ZNF891: variants seen among roughly 807,000 people sequenced by gnomAD.
ZNF891 encodes the protein zinc finger protein 891, also known as hCG1646157.
For synonymous variants in ZNF891, 199 were observed against 209.0 expected (o/e 0.95, Z 0.41); for missense variants, 589 against 632.7 (o/e 0.93, Z 0.74).
chr12:133,105,556 C>A lies in ZNF891; in HGVS notation c.*14728G>T. On this transcript the variant is annotated 3_prime_UTR_variant, in exon 2 of 2. Coordinates refer to ENST00000537226, the MANE Select transcript of ZNF891 (RefSeq NM_001277291.2). ...TCAAAGACTTTTCACCAAAAAATGT[C>A]ATTTATGATGACTCATCCCAGTATT... 6.2e-7 allele frequency: 1 copy of A among 1,611,696 alleles called. No individual in the cohort carries two copies. The highest frequency in any genetic ancestry group is 1.1e-5 in the South Asian group (1 of 90,480).
intron 1 of ZNF891, among the ~76,000 whole-genome samples, chr12:133,128,306 TAA>T (rs1955836294): frequency 6.6e-6 from 1 of 152,044 alleles, no homozygotes; most frequent in Non-Finnish European, 1.5e-5. Flanking sequence ...GGAGCACAAA[TAA>T]AGAGTAGTAA....
At chr12:133,125,836 C>T (rs1955810008) in intron 1 of ZNF891, 3 of 502,010 alleles carry the variant, frequency 6.0e-6, no homozygotes, top group Non-Finnish European at 1.2e-5. Flanking sequence ...AGCTCTATGA[C>T]ACTGATGTGG....
Position 133,116,547 on chromosome 12 carries a change from A to T in ZNF891, c.*3737T>A, listed in dbSNP as rs1299541303. 2 of 152,132 alleles carry T rather than the reference A, an allele frequency of 1.3e-5. No individual in the cohort carries two copies. Among genetic ancestry groups the T allele is most frequent in the Non-Finnish European group, 2.9e-5 (2 of 68,032 alleles). The allele number at this position is 152,132 out of a possible 1,614,324, so 9.4% of individuals were successfully genotyped here. ...ATCCCAGTAGACCTAAATACCCATC[A>T]TCTTCTTACAGACTGCTGGGATTTA... is the stretch of plus-strand genomic sequence containing the variant. On this transcript the variant is annotated 3_prime_UTR_variant, in exon 2 of 2. Coordinates refer to ENST00000537226, the MANE Select transcript of ZNF891 (RefSeq NM_001277291.2).
chr12:133,126,286 GCTA>G (rs1270416627), intron 1 of ZNF891, among the ~76,000 whole-genome samples: 4 of 151,852 alleles, frequency 2.6e-5, no homozygotes, highest in Admixed American at 2.6e-4. Context: ...GACCATCCTG[GCTA>G]CTGTGAAACC....
chr12:133,117,989 C>T lies in ZNF891; in HGVS notation c.*2295G>A, dbSNP rs1205295201. ...TTGAGATGAAGTCCTGCTCTGTCAC[C>T]AGGCTGGAGTGCAGTGGTGAGATCT... On this transcript the variant is annotated 3_prime_UTR_variant, in exon 2 of 2. Transcript: ENST00000537226. The T allele has an allele frequency of 6.8e-6, 1 of 146,960 alleles. No homozygotes were observed. Among genetic ancestry groups the T allele is most frequent in the African/African-American group, 2.5e-5 (1 of 39,566 alleles). The allele number at this position is 146,960 out of a possible 1,614,324, so 9.1% of individuals were successfully genotyped here.
In ZNF891 at chr12:133,119,065, A is replaced by AT. The variant is rs936163116; in HGVS notation, c.*1218dup. On this transcript the variant is annotated 3_prime_UTR_variant, in exon 2 of 2. Coordinates refer to ENST00000537226, the MANE Select transcript of ZNF891 (RefSeq NM_001277291.2). The stretch of plus-strand genomic sequence containing the variant: ...AAGAGCCTGTCTCTACAAAATATAT[A>AT]TTTTTAAAATTAGCCAGGCATGGTG... The AT allele has an allele frequency of 2.0e-5, 3 of 151,988 alleles. No homozygotes were observed. The highest frequency in any genetic ancestry group is 7.3e-5 in the African/African-American group (3 of 41,376). The allele number at this position is 151,988 out of a possible 1,614,324, so 9.4% of individuals were successfully genotyped here.
Position 133,121,110 on chromosome 12 carries a change from G to T in ZNF891, c.809C>A (p.Ser270Tyr). 1 of 1,535,500 alleles carries T rather than the reference G, an allele frequency of 6.5e-7. No homozygotes were observed. Among genetic ancestry groups the T allele is most frequent in the South Asian group, 1.2e-5 (1 of 84,042 alleles). The change falls in exon 2 of 2, where the codon TCT (serine) becomes TAT (tyrosine). Residue 270 changes from serine (S) to tyrosine (Y), a missense_variant. Transcript: ENST00000537226. Reference protein sequence around the residue: ...NQTVQKEYTYSKHGMHFTHNM... With the variant: ...NQTVQKEYTYYKHGMHFTHNM... ...ATGTGTGAAGTGCATTCCATGTTTA[G>T]AATATGTGTACTCTTTTTGTACTGT...
intron 1 of ZNF891, 144 bp downstream of exon 1, chr12:133,130,080 GGCC>G (rs1221443083): frequency 1.3e-5 from 2 of 152,708 alleles, no homozygotes; most frequent in Non-Finnish European, 2.9e-5. Flanking sequence ...CTCCCTCAAG[GGCC>G]TCTCCCACCG....
In ZNF891 at chr12:133,121,054, T is replaced by A. The variant is rs1292501252; in HGVS notation, c.865A>T (p.Met289Leu). The change falls in exon 2 of 2, where the codon ATG becomes TTG. Residue 289 changes from methionine (M) to leucine (L), a missense_variant. By Grantham distance (15) the Met-to-Leu change is conservative. Coordinates refer to ENST00000537226, the MANE Select transcript of ZNF891 (RefSeq NM_001277291.2). ...TTACATTCACAGGCATTCTGTGCCATATGCAAATTGTTAGGTACAGGAAAC... is the reference window on the plus strand; with the variant it reads ...TTACATTCACAGGCATTCTGTGCCAAATGCAAATTGTTAGGTACAGGAAAC... ...NMFPVPNNLH[M>L]AQNACECNKD... is the part of the protein sequence containing the mutation. 1 of 1,535,656 alleles carries A rather than the reference T, an allele frequency of 6.5e-7. No individual in the cohort carries two copies. Among genetic ancestry groups the A allele is most frequent in the East Asian group, 2.4e-5 (1 of 40,896 alleles).
Position 133,105,620 on chromosome 12 carries a change from T to G in ZNF891, c.*14664A>C, listed in dbSNP as rs1315050768. On this transcript the variant is annotated 3_prime_UTR_variant, in exon 2 of 2. Coordinates refer to ENST00000537226, the MANE Select transcript of ZNF891 (RefSeq NM_001277291.2). ...AATTCTAAGTCAAGGCCCTGTGTAT[T>G]CCAGTTTTAAAGGAGGCTGGAAATG... 2 of 1,614,050 alleles carry G rather than the reference T, an allele frequency of 1.2e-6. No homozygotes were observed. The highest frequency in any genetic ancestry group is 1.7e-6 in the Non-Finnish European group (2 of 1,180,038).
rs758227048 is a variant in ZNF891, at chr12:133,121,368, G to A, written c.551C>T (p.Pro184Leu). The change falls in exon 2 of 2, where the codon CCT becomes CTT. Residue 184 changes from proline (P) to leucine (L), a missense_variant. Transcript: ENST00000537226. ...QMIYAPKKTV[P>L]QELFRDYHEL... The stretch of plus-strand genomic sequence containing the variant: ...ATGATAGTCACGGAATAGCTCCTGA[G>A]GTACTGTTTTCTTTGGGGCATATAT... The A allele has an allele frequency of 2.9e-5, 44 of 1,535,948 alleles. No homozygotes were observed. Among genetic ancestry groups the A allele is most frequent in the East Asian group, 2.0e-4 (8 of 40,912 alleles).
In ZNF891 at chr12:133,121,189, G is replaced by A. The variant is rs751556367; in HGVS notation, c.730C>T (p.Leu244Phe). 4.2e-5 allele frequency: 65 copies of A among 1,535,462 alleles called. 1 individual carries two copies. In the South Asian group the frequency reaches 7.7e-4, roughly 18 times the overall value. The change falls in exon 2 of 2, where the codon CTC becomes TTC. Residue 244 changes from leucine (L) to phenylalanine (F), a missense_variant. By Grantham distance (22) the Leu-to-Phe change is conservative. Transcript: ENST00000537226. ...NYVKNSISEK[L>F]YESHECDTTL... Reference sequence around the variant, plus strand: ...GTATCACATTCATGACTTTCATAGAGCTTCTCACTTATAGAGTTTTTCACA... The same window carrying A: ...GTATCACATTCATGACTTTCATAGAACTTCTCACTTATAGAGTTTTTCACA...
chr12:133,119,739 G>A lies in ZNF891; in HGVS notation c.*545C>T, dbSNP rs1423721008. Reference sequence around the variant, plus strand: ...CAGCTTCAGGAATGGCCAATTCATAGGGACAAAGATGAAGTGCAAAAAGTA... The same window carrying A: ...CAGCTTCAGGAATGGCCAATTCATAAGGACAAAGATGAAGTGCAAAAAGTA... On this transcript the variant is annotated 3_prime_UTR_variant, in exon 2 of 2. Coordinates refer to ENST00000537226, the MANE Select transcript of ZNF891 (RefSeq NM_001277291.2). The A allele has an allele frequency of 6.6e-6, 1 of 152,502 alleles. No homozygotes were observed. The highest frequency in any genetic ancestry group is 1.5e-5 in the Non-Finnish European group (1 of 68,286). The allele number at this position is 152,502 out of a possible 1,614,324, so 9.4% of individuals were successfully genotyped here.
rs1175045503 is a variant in ZNF891 at position 133,109,939 on chromosome 12, G to A, written c.*10345C>T. On this transcript the variant is annotated 3_prime_UTR_variant, in exon 2 of 2. Transcript: ENST00000537226. ...CCTGCAAAACCTAGAATATTGGCCG[G>A]GCGTGGTGGCAGACGCCTGTAGTCC... is the stretch of plus-strand genomic sequence containing the variant. 1 of 152,172 alleles carries A rather than the reference G, an allele frequency of 6.6e-6. No individual in the cohort carries two copies. Among genetic ancestry groups the A allele is most frequent in the Non-Finnish European group, 1.5e-5 (1 of 68,048 alleles). 9.4% of individuals were successfully genotyped at this position (152,172 alleles called of 1,614,324 possible).
At position 133,106,676 on chromosome 12, in the gene ZNF891, G is replaced by A. The variant is rs760489095; in HGVS notation, c.*13608C>T. 15 of 1,513,050 alleles carry A rather than the reference G, an allele frequency of 9.9e-6. No individual in the cohort carries two copies. Among genetic ancestry groups the A allele is most frequent in the Admixed American group, 2.2e-5 (1 of 45,226 alleles). 93.7% of individuals were successfully genotyped at this position (1,513,050 alleles called of 1,614,324 possible). A position where few individuals can be genotyped will look rare whatever the true frequency, so the allele number is the denominator to read the frequency against. ...AATTTACACTGCAAAGAAAAACTAT[G>A]AATGTATGGAATTTTTTAAAAAGAA... On this transcript the variant is annotated 3_prime_UTR_variant, in exon 2 of 2. Transcript: ENST00000537226.
rs1186673436 is a variant in ZNF891 at position 133,119,206 on chromosome 12, ACT to A, written c.*1076_*1077del. 2 of 150,706 alleles carry A rather than the reference ACT, an allele frequency of 1.3e-5. No individual in the cohort carries two copies. The highest frequency in any genetic ancestry group is 3.0e-5 in the Non-Finnish European group (2 of 67,668). 9.3% of individuals were successfully genotyped at this position (150,706 alleles called of 1,614,324 possible). ...CTGCATTCTAGCCTGAGAGACAGAGACTCTGTCTGAAAAATTGAAAAAAAAAA... is the reference window on the plus strand; with the variant it reads ...CTGCATTCTAGCCTGAGAGACAGAGACTGTCTGAAAAATTGAAAAAAAAAA... On this transcript the variant is annotated 3_prime_UTR_variant, in exon 2 of 2. Transcript: ENST00000537226.
chr12:133,105,415 T>A lies in ZNF891; in HGVS notation c.*14869A>T. ...GAAAGCTGCTATTGATAAGATTTTT[T>A]GAAACTTCATTCTGTTGCTAAAGAA... On this transcript the variant is annotated 3_prime_UTR_variant, in exon 2 of 2. Transcript: ENST00000537226. 1 of 1,346,186 alleles carries A rather than the reference T, an allele frequency of 7.4e-7. No homozygotes were observed. Among genetic ancestry groups the A allele is most frequent in the Non-Finnish European group, 9.9e-7 (1 of 1,008,736 alleles). 83.4% of individuals were successfully genotyped at this position (1,346,186 alleles called of 1,614,324 possible).
At position 133,120,330 on chromosome 12, in the gene ZNF891, G is replaced by A; in HGVS notation, c.1589C>T (p.Ser530Leu). 1 of 1,562,742 alleles carries A rather than the reference G, an allele frequency of 6.4e-7. No individual in the cohort carries two copies. The highest frequency in any genetic ancestry group is 8.6e-7 in the Non-Finnish European group (1 of 1,157,030). The change falls in exon 2 of 2, where the codon TCA becomes TTA. Residue 530 changes from serine (S) to leucine (L), a missense_variant. Physicochemically the swap from Ser to Leu is moderately radical, Grantham distance 145 (BLOSUM62 -2). Transcript: ENST00000537226. The part of the protein sequence containing the change: ...QCGKAFSQSS[S>L]LIIHKRIHTE... ...ATGAATTCTCTTGTGTATAATAAGT[G>A]AAGAGCTCTGACTGAAGGCTTTTCC...
intron 1 of ZNF891, among the ~76,000 whole-genome samples, chr12:133,128,250 G>A (rs975229053): frequency 1.3e-5 from 2 of 152,150 alleles, no homozygotes; most frequent in Non-Finnish European, 2.9e-5. Flanking sequence ...TTTATTATGA[G>A]TCTTTTAACA....
Sources: allele counts gnomAD v4.1 joint callset (sites outside exome capture counted in the v4.1 genomes callset), GRCh38; gene constraint gnomAD v4.1.1; transcripts MANE v1.5; gene names NCBI Gene and HGNC (gene_info 2026-07-23, HGNC 2026-07-21).